The following APBB2 variants were observed in gnomAD, a reference collection of about 807,000 sequenced individuals.
APBB2 encodes amyloid beta precursor protein binding family B member 2.
In APBB2, 38 loss-of-function variants were observed where a neutral mutation model predicts 82.5. That is an observed-to-expected ratio of 0.46 (90% CI 0.36 to 0.60). The LOEUF is 0.60. APBB2 is among the 20% of genes least tolerant of loss of function. APBB2 has a pLI of 0.00. For synonymous variants in APBB2, 341 were observed against 368.2 expected (o/e 0.93, Z 0.85); for missense variants, 772 against 972.3 (o/e 0.79, Z 2.74).
At chr4:41,066,976 AGAG>A (rs1732109279) in intron 3 of APBB2, among the ~76,000 whole-genome samples, 1 of 152,180 alleles carries the variant, frequency 6.6e-6, no homozygotes, top group African/African-American at 2.4e-5. Flanking sequence ...TAGGTAGAGA[AGAG>A]GAGAGAAGAA....
chr4:41,172,021 A>G (rs1768417269), intron 1 of APBB2, among the ~76,000 whole-genome samples: 1 of 152,124 alleles, frequency 6.6e-6, no homozygotes. Context: ...AATCGCTTGA[A>G]CCCAAGAGGC....
intron 1 of APBB2, among the ~76,000 whole-genome samples, chr4:41,210,418 T>A (rs1049883966): frequency 6.6e-6 from 1 of 152,212 alleles, no homozygotes; most frequent in African/African-American, 2.4e-5. Flanking sequence ...GGCAAGTCTT[T>A]GGGGTCCCTG....
At chr4:40,903,221 G>T (rs962407012) in intron 10 of APBB2, among the ~76,000 whole-genome samples, 1 of 138,644 alleles carries the variant, frequency 7.2e-6, no homozygotes, top group African/African-American at 2.9e-5. Context: ...AGCACTTTGG[G>T]AGGCCAAGGC....
intron 13 of APBB2, among the ~76,000 whole-genome samples, chr4:40,828,762 G>T (rs1490988407): frequency 6.6e-6 from 1 of 152,238 alleles, no homozygotes; most frequent in African/African-American, 2.4e-5. Context: ...TGTGAACATG[G>T]GCGGGAATAA....
intron 12 of APBB2, among the ~76,000 whole-genome samples, chr4:40,864,921 C>T (rs1315606254): frequency 6.8e-6 from 1 of 148,096 alleles, no homozygotes; most frequent in East Asian, 2.0e-4. Flanking sequence ...GGTAGTAGTG[C>T]AATCTTGGTT....
At chr4:40,925,105 A>G (rs1782281272) in intron 10 of APBB2, among the ~76,000 whole-genome samples, 2 of 152,150 alleles carry the variant, frequency 1.3e-5, no homozygotes, top group African/African-American at 4.8e-5. Context: ...CAGCCATGGA[A>G]TATGCCCCCG....
intron 10 of APBB2, 86 bp downstream of exon 10, chr4:40,934,370 T>C (rs968210585): frequency 3.0e-6 from 4 of 1,326,186 alleles, no homozygotes; most frequent in African/African-American, 1.4e-5. Flanking sequence ...TCTGGGTTGA[T>C]GGTTTGTAAA....
At chr4:41,041,820 G>A (rs1008088408) in intron 4 of APBB2, among the ~76,000 whole-genome samples, 3 of 152,192 alleles carry the variant, frequency 2.0e-5, no homozygotes, top group African/African-American at 7.2e-5. Context: ...CCTATTTTCT[G>A]AAATGTATCC....
intron 5 of APBB2, among the ~76,000 whole-genome samples, chr4:41,019,510 G>C (rs1005912210): frequency 9.9e-5 from 15 of 152,146 alleles, no homozygotes; most frequent in Non-Finnish European, 1.9e-4. Context: ...TCCCAGAGAG[G>C]AAACAGTCTA....
intron 2 of APBB2, among the ~76,000 whole-genome samples, chr4:41,104,297 GA>G (rs769312120): frequency 1.5e-4 from 23 of 152,086 alleles, no homozygotes; most frequent in Non-Finnish European, 3.4e-4. Context: ...CAAAAACAGT[GA>G]CTCTTTTAGT....
At chr4:40,818,778 G>A (rs551839557) in intron 17 of APBB2, among the ~76,000 whole-genome samples, 2 of 152,152 alleles carry the variant, frequency 1.3e-5, no homozygotes, top group Non-Finnish European at 2.9e-5. Context: ...AGTGTTCAAC[G>A]CCAGGCCTCC....
intron 1 of APBB2, among the ~76,000 whole-genome samples, chr4:41,148,579 C>A (rs548769368): frequency 9.1e-4 from 138 of 152,272 alleles, no homozygotes; most frequent in African/African-American, 3.1e-3. Flanking sequence ...TCTTTCTGCA[C>A]GGACTGACTC....
chr4:40,943,798 T>A (rs1787647853), intron 7 of APBB2, among the ~76,000 whole-genome samples: 1 of 152,210 alleles, frequency 6.6e-6, no homozygotes, highest in Non-Finnish European at 1.5e-5. Flanking sequence ...ACCAAAGTCC[T>A]TGCCTACCAA....
At chr4:41,031,622 A>G (rs1167665199) in intron 5 of APBB2, among the ~76,000 whole-genome samples, 1 of 152,194 alleles carries the variant, frequency 6.6e-6, no homozygotes, top group African/African-American at 2.4e-5. Flanking sequence ...AGAACAGGAA[A>G]TTTCTAGAAG....
Position 41,082,833 on chromosome 4 carries a change from A to G in APBB2, c.-148-17160T>C, listed in dbSNP as rs547081762. Reference sequence around the variant, plus strand: ...CAGCTGGGCGGCATGCAGTTTTATTATGGTCATACACTGATAGATTATGGA... The same window carrying G: ...CAGCTGGGCGGCATGCAGTTTTATTGTGGTCATACACTGATAGATTATGGA... On this transcript the variant is annotated intron_variant, in intron 3 of 17. Coordinates refer to ENST00000508593, the MANE Select transcript of APBB2 (RefSeq NM_004307.2). Among the ~76,000 whole-genome samples the G allele has an allele frequency of 2.2e-4, 34 of 152,288 alleles. 1 individual carries two copies. The highest frequency in any genetic ancestry group is 7.5e-4 in the African/African-American group (31 of 41,558).
intron 4 of APBB2, among the ~76,000 whole-genome samples, chr4:41,054,206 A>C (rs1727047029): frequency 6.6e-6 from 1 of 152,200 alleles, no homozygotes; most frequent in South Asian, 2.1e-4. Flanking sequence ...GGCAGAAAGA[A>C]TGGGAAAGCA....
chr4:40,924,451 GAAC>G (rs1192852342), intron 10 of APBB2, among the ~76,000 whole-genome samples: 2 of 152,188 alleles, frequency 1.3e-5, no homozygotes, highest in Non-Finnish European at 2.9e-5. Flanking sequence ...TGACAACTCT[GAAC>G]AACAGAATAC....
intron 2 of APBB2, 75 bp downstream of exon 2, chr4:41,142,912 A>T (rs1327496580): frequency 6.6e-6 from 1 of 152,234 alleles, no homozygotes; most frequent in Non-Finnish European, 1.5e-5. Context: ...CTCCAAAATG[A>T]GCCTGGAAGG....
chr4:40,917,701 T>C (rs1780184033), intron 10 of APBB2, among the ~76,000 whole-genome samples: 2 of 152,162 alleles, frequency 1.3e-5, no homozygotes, highest in African/African-American at 4.8e-5. Context: ...TTTGAATGAG[T>C]TGGGAAAATA....
Sources: allele counts gnomAD v4.1 joint callset (sites outside exome capture counted in the v4.1 genomes callset), GRCh38; gene constraint gnomAD v4.1.1; transcripts MANE v1.5; gene names NCBI Gene and HGNC (gene_info 2026-07-23, HGNC 2026-07-21).